SI: variants seen among roughly 807,000 people sequenced by gnomAD.
SI encodes sucrase-isomaltase, intestinal.
SI carries 235 observed loss-of-function variants against 253.3 expected under a neutral mutation model. The observed-to-expected ratio is 0.93, with a 90% CI of 0.83 to 1.03. SI has a LOEUF of 1.03. Among genes scored for constraint, SI ranks in the 50% least tolerant of loss-of-function variants. The pLI is 0.00. For synonymous variants in SI, 819 were observed against 712.0 expected, an observed-to-expected ratio of 1.15 and a Z score of -2.39; for missense variants, 2,442 against 2,211.1, an observed-to-expected ratio of 1.10 and a Z score of -2.09.
At chr3:165,030,899 G>GAAAAAAAAAAAACAAAAAAAC in intron 24 of SI, 32 bp from the exon 25 acceptor site, 2 of 1,127,396 alleles carry the variant, frequency 1.8e-6, no homozygotes, top group Non-Finnish European at 2.4e-6. Flanking sequence ...AAGAAAAAAA[G>GAAAAAAAAAAAACAAAAAAAC]AAAAAAAAAA....
In SI at chr3:165,006,940, T is replaced by G; in HGVS notation, c.4282A>C (p.Thr1428Pro). 1.9e-6 allele frequency: 3 copies of G among 1,610,412 alleles called. No homozygotes were observed. Among genetic ancestry groups the G allele is most frequent in the Non-Finnish European group, 2.5e-6 (3 of 1,177,154 alleles). Residue 1428 changes from threonine to proline, a missense_variant, in exon 37 of 48, where the codon ACT becomes CCT. Coordinates refer to ENST00000264382, the MANE Select transcript of SI (RefSeq NM_001041.4). Reference protein sequence around the residue: ...PPYFPELTKRTDGLHFRTICM... With the variant: ...PPYFPELTKRPDGLHFRTICM... ...ATTGTTCTGAAATGTAATCCATCAG[T>G]TCTTTTTGTGAGTTCTGGAAAGAAT...
chr3:165,059,948 A>G lies in SI; in HGVS notation c.1100T>C (p.Val367Ala), dbSNP rs1203105060. The G allele has an allele frequency of 3.7e-6, 6 of 1,612,204 alleles. No individual in the cohort carries two copies. The highest frequency in any genetic ancestry group is 1.7e-5 in the Admixed American group (1 of 59,876). The change falls in exon 10 of 48, where the codon GTA becomes GCA. Residue 367 changes from valine to alanine, a missense_variant. Coordinates refer to ENST00000264382, the MANE Select transcript of SI (RefSeq NM_001041.4). Reference sequence around the variant, plus strand: ...GTTTCTCCTTACCACTTCTTTCACTACATCTAGTGACTTATAATTCCAGCG... The same window carrying G: ...GTTTCTCCTTACCACTTCTTTCACTGCATCTAGTGACTTATAATTCCAGCG... ...LSRWNYKSLD[V>A]VKEVVRRNRE...
intron 1 of SI, among the ~76,000 whole-genome samples, chr3:165,076,262 T>A (rs1714966547): frequency 6.6e-6 from 1 of 151,790 alleles, no homozygotes; most frequent in Non-Finnish European, 1.5e-5. Flanking sequence ...AATGAATTAC[T>A]GATGCACATT....
chr3:164,994,393 C>G lies in SI; in HGVS notation c.4705G>C (p.Ala1569Pro). ...TCAGCAAAAGTTTCATTCCAGGAAG[C>G]GGGATCTTGTCTCTGAAACAAAGCA... ...NIANTRRQDP[A>P]SWNETFAEMS... Residue 1569 changes from alanine to proline, a missense_variant, in exon 41 of 48, where the codon GCT (alanine) becomes CCT (proline). Transcript: ENST00000264382. The G allele has an allele frequency of 6.2e-7, 1 of 1,610,586 alleles. No individual in the cohort carries two copies. Among genetic ancestry groups the G allele is most frequent in the Non-Finnish European group, 8.5e-7 (1 of 1,177,544 alleles).
intron 6 of SI, among the ~76,000 whole-genome samples, chr3:165,066,745 A>G (rs1714268594): frequency 6.6e-6 from 1 of 151,992 alleles, no homozygotes; most frequent in Admixed American, 6.6e-5. Flanking sequence ...ACACAAAGTC[A>G]TAAACAAAAG....
intron 6 of SI, 62 bp from the exon 7 acceptor site, chr3:165,065,494 T>TA (rs10530690): frequency 1.6e-4 from 44 of 268,708 alleles, no homozygotes; most frequent in Non-Finnish European, 2.1e-4. Flanking sequence ...TATATATATA[T>TA]GATATTCTAC....
At chr3:165,042,820 C>T (rs987598255) in intron 17 of SI, among the ~76,000 whole-genome samples, 1 of 151,994 alleles carries the variant, frequency 6.6e-6, no homozygotes, top group African/African-American at 2.4e-5. Context: ...GCGTTAGTCT[C>T]AACTAAAATA....
the SI span, among the ~76,000 whole-genome samples, chr3:165,089,083 TTTTC>T: frequency 3.6e-3 from 258 of 71,942 alleles, 1 homozygote; most frequent in East Asian, 0.012. Flanking sequence ...CTTTTTTCTT[TTTTC>T]TTTTTTTTTT....
chr3:165,043,668 T>C (rs1299403633), intron 16 of SI, among the ~76,000 whole-genome samples: 1 of 152,044 alleles, frequency 6.6e-6, no homozygotes. Flanking sequence ...AAGACTGCAT[T>C]ATCCTTATTC....
At chr3:165,083,636 G>T in the SI span, among the ~76,000 whole-genome samples, 1 of 151,922 alleles carries the variant, frequency 6.6e-6, no homozygotes, top group South Asian at 2.1e-4. Flanking sequence ...CATATGACAA[G>T]ATATTGGCCA....
At position 165,062,444 on chromosome 3, in the gene SI, A is replaced by T; in HGVS notation, c.947T>A (p.Val316Asp). 6.2e-7 allele frequency: 1 copy of T among 1,605,294 alleles called. No homozygotes were observed. Among genetic ancestry groups the T allele is most frequent in the Non-Finnish European group, 8.5e-7 (1 of 1,172,638 alleles). The change falls in exon 9 of 48, where the codon GTT (valine) becomes GAT (aspartate). Residue 316 changes from valine to aspartate, a missense_variant. Physicochemically the swap from Val to Asp is radical, Grantham distance 152. Transcript: ENST00000264382. ...IQPTPIVTYR[V>D]TGGILDFYIL... ...GTAAAAATCCAGAATGCCACCGGTA[A>T]CTCTATATGTTACTATTGGAGTAGG...
At chr3:164,984,546 G>C (rs1576865743) in intron 45 of SI, among the ~76,000 whole-genome samples, 1 of 152,166 alleles carries the variant, frequency 6.6e-6, no homozygotes, top group East Asian at 1.9e-4. Flanking sequence ...GAAGATATGG[G>C]TAGCTTTGTT....
At chr3:164,997,823 A>AT (rs900323359) in intron 38 of SI, among the ~76,000 whole-genome samples, 1 of 151,692 alleles carries the variant, frequency 6.6e-6, no homozygotes, top group African/African-American at 2.4e-5. Context: ...TCATGATCTC[A>AT]TTTTTTATGG....
At position 165,068,729 on chromosome 3, in the gene SI, C is replaced by A; in HGVS notation, c.476G>T (p.Arg159Leu). The A allele has an allele frequency of 6.2e-7, 1 of 1,611,814 alleles. No individual in the cohort carries two copies. Reference sequence around the variant, plus strand: ...AAACCTTAAAAACCGAACCTTGAACCGGAAACGATTGGGTGTCTGATTTTG... The same window carrying A: ...AAACCTTAAAAACCGAACCTTGAACAGGAAACGATTGGGTGTCTGATTTTG... ...TTQNQTPNRFRFKITDPNNRR... is the reference protein window; with the variant it reads ...TTQNQTPNRFLFKITDPNNRR... The change falls in exon 5 of 48, where the codon CGG becomes CTG. Residue 159 changes from arginine to leucine, a missense_variant. Transcript: ENST00000264382.
intron 20 of SI, 55 bp from the exon 21 acceptor site, chr3:165,038,079 A>T: frequency 2.0e-6 from 3 of 1,471,946 alleles, no homozygotes; most frequent in Non-Finnish European, 2.8e-6. Flanking sequence ...TTTAAACTCT[A>T]TTTCACAAGA....
At chr3:164,991,111 G>A (rs113668339) in intron 44 of SI, among the ~76,000 whole-genome samples, 7,857 of 151,992 alleles carry the variant, frequency 0.052, 680 homozygotes, top group African/African-American at 0.18. Flanking sequence ...TGCCTGGGTC[G>A]CTCCATGTCA....
At chr3:164,981,233 A>C (rs982722916) in intron 47 of SI, among the ~76,000 whole-genome samples, 37 of 152,152 alleles carry the variant, frequency 2.4e-4, no homozygotes, top group African/African-American at 8.9e-4. Context: ...AGCGAGTTGC[A>C]GTGCAAAAGC....
At chr3:165,020,485 A>G (rs981085079) in intron 27 of SI, among the ~76,000 whole-genome samples, 4 of 151,674 alleles carry the variant, frequency 2.6e-5, no homozygotes, top group African/African-American at 9.7e-5. Flanking sequence ...AAATGACAAT[A>G]AATAATGCCC....
intron 7 of SI, 35 bp from the exon 8 acceptor site, chr3:165,063,576 A>G (rs780970715): frequency 2.1e-6 from 2 of 943,682 alleles, no homozygotes; most frequent in African/African-American, 3.3e-5. Context: ...CGATTTTCAA[A>G]TATGTTTAAA....
Sources: allele counts gnomAD v4.1 joint callset (sites outside exome capture counted in the v4.1 genomes callset), GRCh38; gene constraint gnomAD v4.1.1; transcripts MANE v1.5; gene names NCBI Gene and HGNC (gene_info 2026-07-23, HGNC 2026-07-21).